Variants in LRRC61 observed in about 807,000 individuals in gnomAD.
LRRC61 encodes leucine rich repeat containing 61.
LRRC61 carries 9 observed loss-of-function variants against 15.1 expected under a neutral mutation model. The observed-to-expected ratio is 0.60, with a 90% CI of 0.36 to 1.04. The LOEUF (loss-of-function observed/expected upper bound fraction) is 1.04, where lower values mean the gene tolerates loss of function less well. LRRC61 is among the 50% of genes least tolerant of loss of function. The pLI is 0.01. For synonymous variants in LRRC61, 173 were observed against 158.6 expected (o/e 1.09, Z -0.68); for missense variants, 344 against 335.6 (o/e 1.03, Z -0.20).
chr7:150,331,737 G>A (rs960821217), intron 2 of LRRC61: 1 of 167,188 alleles, frequency 6.0e-6, no homozygotes, highest in African/African-American at 2.4e-5. Flanking sequence ...GATGTGGAGT[G>A]GGCATGTGCT....
Position 150,337,810 on chromosome 7 carries a change from G to C in LRRC61, c.*169G>C. The C allele has an allele frequency of 1.4e-6, 1 of 725,100 alleles. No individual in the cohort carries two copies. Among genetic ancestry groups the C allele is most frequent in the Non-Finnish European group, 2.2e-6 (1 of 449,180 alleles). The allele number at this position is 725,100 out of a possible 1,614,324, so 44.9% of individuals were successfully genotyped here. On this transcript the variant is annotated 3_prime_UTR_variant, in exon 3 of 3. Transcript: ENST00000359623. The stretch of plus-strand genomic sequence containing the variant: ...GCCCCTCCCCACCATCCCTCCACAT[G>C]CTGCAAGGACAGACTGAAGGGCTGT...
In LRRC61 at chr7:150,338,144, G is replaced by T; in HGVS notation, c.*503G>T. ...GTCCACACATCTATTAAATGCTTCTGTTTTCATTTGCATCCCTGCCTGGCA... is the reference window on the plus strand; with the variant it reads ...GTCCACACATCTATTAAATGCTTCTTTTTTCATTTGCATCCCTGCCTGGCA... On this transcript the variant is annotated 3_prime_UTR_variant, in exon 3 of 3. Transcript: ENST00000359623. 1.3e-6 allele frequency: 1 copy of T among 776,842 alleles called. No individual in the cohort carries two copies. Among genetic ancestry groups the T allele is most frequent in the Non-Finnish European group, 1.8e-6 (1 of 542,548 alleles). The allele number at this position is 776,842 out of a possible 1,614,324, so 48.1% of individuals were successfully genotyped here. A position where few individuals can be genotyped will look rare whatever the true frequency, so the allele number is the denominator to read the frequency against.
At chr7:150,316,056 G>C in the LRRC61 span, among the ~76,000 whole-genome samples, 2 of 152,290 alleles carry the variant, frequency 1.3e-5, no homozygotes, top group South Asian at 2.1e-4. Context: ...AATTAGCTGG[G>C]CATCGTGGCA....
intron 1 of LRRC61, among the ~76,000 whole-genome samples, 197 bp from the exon 2 acceptor site, chr7:150,325,643 AT>A (rs1797943872): frequency 1.3e-5 from 2 of 151,728 alleles, no homozygotes; most frequent in South Asian, 2.1e-4. Flanking sequence ...ATTTTTTTGT[AT>A]TTTTTTTGTA....
chr7:150,330,753 T>G lies in LRRC61; in HGVS notation c.-145+4743T>G. ...GGAGATTAGAGTGTCTGAATACTCTTTGAACTCCCCAAGTCCCCTGCAAAG... is the reference window on the plus strand; with the variant it reads ...GGAGATTAGAGTGTCTGAATACTCTGTGAACTCCCCAAGTCCCCTGCAAAG... On this transcript the variant is annotated intron_variant, in intron 2 of 2. Transcript: ENST00000359623. The surrounding 1 kb of genome is among the most constrained non-coding windows in gnomAD (Gnocchi z 4.6). 5 of 1,613,122 alleles carry G rather than the reference T, an allele frequency of 3.1e-6. No individual in the cohort carries two copies. The highest frequency in any genetic ancestry group is 4.2e-6 in the Non-Finnish European group (5 of 1,179,252).
intron 2 of LRRC61, chr7:150,332,730 G>A (rs919283375): frequency 4.8e-5 from 8 of 167,054 alleles, no homozygotes; most frequent in African/African-American, 1.9e-4. Context: ...AATAACTGGA[G>A]TAGTATGATT....
Position 150,337,498 on chromosome 7 carries a change from A to G in LRRC61, c.637A>G (p.Ser213Gly), listed in dbSNP as rs973276153. Residue 213 changes from serine (S) to glycine (G), a missense_variant, in exon 3 of 3, where the codon AGC (serine) becomes GGC (glycine). Ser to Gly is a moderately conservative substitution (Grantham distance 56). Coordinates refer to ENST00000359623, the MANE Select transcript of LRRC61 (RefSeq NM_001142928.2). Reference protein sequence around the residue: ...GYWESWPSRSSSILEEACRQF... With the variant: ...GYWESWPSRSGSILEEACRQF... ...CTGGGAGTCCTGGCCCAGCCGGAGCAGCTCCATCCTGGAGGAGGCCTGCCG... is the reference window on the plus strand; with the variant it reads ...CTGGGAGTCCTGGCCCAGCCGGAGCGGCTCCATCCTGGAGGAGGCCTGCCG... 2.9e-5 allele frequency: 47 copies of G among 1,602,838 alleles called. No individual in the cohort carries two copies. Among genetic ancestry groups the G allele is most frequent in the Non-Finnish European group, 3.6e-5 (43 of 1,179,132 alleles).
chr7:150,330,925 G>A lies in LRRC61; in HGVS notation c.-145+4915G>A. 1 of 1,612,824 alleles carries A rather than the reference G, an allele frequency of 6.2e-7. No homozygotes were observed. The highest frequency in any genetic ancestry group is 8.5e-7 in the Non-Finnish European group (1 of 1,179,898). On this transcript the variant is annotated intron_variant, in intron 2 of 2. Coordinates refer to ENST00000359623, the MANE Select transcript of LRRC61 (RefSeq NM_001142928.2). The surrounding 1 kb of genome is among the most constrained non-coding windows in gnomAD (Gnocchi z 4.6). ...GAGAAGGGCTTGCTGGAGAGCATGG[G>A]GCTGCTGGCCTCTGAGAGAAGCGGG...
Position 150,330,500 on chromosome 7 carries a change from A to T in LRRC61, c.-145+4490A>T, listed in dbSNP as rs945464067. On this transcript the variant is annotated intron_variant, in intron 2 of 2. Transcript: ENST00000359623. This position sits in a 1 kb window ranked among gnomAD's most constrained non-coding sequence, Gnocchi z 4.6. ...ACATCTTCCTGGAGCAGGTTCACAC[A>T]CACTTTCAGGAGCAGAGTGTCGGGG... 1.7e-5 allele frequency: 13 copies of T among 780,052 alleles called. No individual in the cohort carries two copies. In the East Asian group the frequency reaches 3.2e-4, roughly 19 times the overall value. 48.3% of individuals were successfully genotyped at this position (780,052 alleles called of 1,614,324 possible).
chr7:150,319,206 T>C (rs1028268302), upstream of LRRC61, among the ~76,000 whole-genome samples: 1 of 68,920 alleles, frequency 1.5e-5, no homozygotes, highest in Non-Finnish European at 2.8e-5. Context: ...TTGCTTCTTC[T>C]TTTTTTTTTT....
At chr7:150,310,376 A>T in the LRRC61 span, among the ~76,000 whole-genome samples, 460 of 152,256 alleles carry the variant, frequency 3.0e-3, 1 homozygote, top group Middle Eastern at 0.017. Flanking sequence ...GATGAAGCCT[A>T]TTATCACTTG....
rs1798195087 is a variant in LRRC61, at chr7:150,333,892, AAC to A, written c.-144-2822_-144-2821del. 5 of 985,240 alleles carry A rather than the reference AAC, an allele frequency of 5.1e-6. No individual in the cohort carries two copies. The highest frequency in any genetic ancestry group is 6.0e-6 in the Non-Finnish European group (5 of 829,830). 61.0% of individuals were successfully genotyped at this position (985,240 alleles called of 1,614,324 possible). Reference sequence around the variant, plus strand: ...TGCAGTGTGCAGGTGATGGACCAGAAACACAGCAGAGGTCACTGACCCCCAAG... The same window carrying A: ...TGCAGTGTGCAGGTGATGGACCAGAAACAGCAGAGGTCACTGACCCCCAAG... On this transcript the variant is annotated intron_variant, in intron 2 of 2. Coordinates refer to ENST00000359623, the MANE Select transcript of LRRC61 (RefSeq NM_001142928.2). This position sits in a 1 kb window ranked among gnomAD's most constrained non-coding sequence, Gnocchi z 4.3.
Position 150,333,055 on chromosome 7 carries a change from G to T in LRRC61, c.-144-3663G>T, listed in dbSNP as rs1200865138. Among the ~76,000 whole-genome samples the T allele has an allele frequency of 6.6e-6, 1 of 152,200 alleles. No homozygotes were observed. The highest frequency in any genetic ancestry group is 1.9e-4 in the East Asian group (1 of 5,204). On this transcript the variant is annotated intron_variant, in intron 2 of 2. Transcript: ENST00000359623. This position sits in a 1 kb window ranked among gnomAD's most constrained non-coding sequence, Gnocchi z 4.3. The stretch of plus-strand genomic sequence containing the variant: ...ACTGTGCTTCCATCCTTGAGCAGTT[G>T]GAACTGTTCTTGGAAGTGGCATTGT...
Position 150,337,109 on chromosome 7 carries a change from C to G in LRRC61, c.248C>G (p.Ser83Cys), listed in dbSNP as rs892692882. The G allele has an allele frequency of 1.9e-6, 3 of 1,612,452 alleles. No homozygotes were observed. Among genetic ancestry groups the G allele is most frequent in the Non-Finnish European group, 2.5e-6 (3 of 1,179,876 alleles). The change falls in exon 3 of 3, where the codon TCC (serine) becomes TGC (cysteine). Residue 83 changes from serine to cysteine, a missense_variant. Transcript: ENST00000359623. ...SLRQLAVLNV[S>C]NNRLTGLEPL... ...CGCCAGCTAGCTGTGCTCAATGTCT[C>G]CAACAATCGGCTGACGGGCCTGGAG...
At chr7:150,319,228 G>C (rs2129617561), upstream of LRRC61, among the ~76,000 whole-genome samples, 1 of 147,216 alleles carries the variant, frequency 6.8e-6, no homozygotes, top group South Asian at 2.1e-4. Context: ...TTTTGAGACA[G>C]AGTCTCACTC....
the LRRC61 span, among the ~76,000 whole-genome samples, chr7:150,310,169 C>G: frequency 1.1e-4 from 16 of 152,182 alleles, no homozygotes; most frequent in Non-Finnish European, 1.9e-4. Context: ...TACAGCCACA[C>G]CTCACTGCTG....
chr7:150,314,546 C>A, the LRRC61 span, among the ~76,000 whole-genome samples: 1 of 152,044 alleles, frequency 6.6e-6, no homozygotes, highest in African/African-American at 2.4e-5. Flanking sequence ...ATGTGTGAAG[C>A]AAATGTGGCA....
the LRRC61 span, among the ~76,000 whole-genome samples, chr7:150,310,033 C>T: frequency 2.8e-4 from 42 of 152,254 alleles, no homozygotes; most frequent in Admixed American, 2.6e-3. Context: ...CTTAAAATTC[C>T]CCCACTCTGG....
chr7:150,331,167 T>A, intron 2 of LRRC61: 1 of 1,522,040 alleles, frequency 6.6e-7, no homozygotes, highest in Non-Finnish European at 8.9e-7. Flanking sequence ...AAAACTCTTC[T>A]CTCAAGGTGG....
Sources: allele counts gnomAD v4.1 joint callset (sites outside exome capture counted in the v4.1 genomes callset), GRCh38; gene constraint gnomAD v4.1.1; non-coding constraint Gnocchi (gnomAD v3.1); transcripts MANE v1.5; gene names NCBI Gene and HGNC (gene_info 2026-07-23, HGNC 2026-07-21).